The following PDGFB variants were observed in gnomAD, a reference collection of about 807,000 sequenced individuals.
The protein encoded by PDGFB is platelet-derived growth factor subunit B.
A neutral mutation model predicts 29.0 loss-of-function variants in PDGFB; 6 were observed. The ratio of observed to expected loss-of-function variants is 0.21; its 90% confidence interval spans 0.11 to 0.41. The LOEUF (loss-of-function observed/expected upper bound fraction) is 0.41. Among genes scored for constraint, PDGFB ranks in the 10% least tolerant of loss-of-function variants. PDGFB has a pLI of 1.00. For synonymous variants in PDGFB, 144 were observed against 140.8 expected (o/e 1.02, Z -0.16); for missense variants, 299 against 341.8 (o/e 0.87, Z 0.99).
chr22:39,235,742 CG>C, intron 2 of PDGFB, 35 bp downstream of exon 2: 1 of 1,475,346 alleles, frequency 6.8e-7, no homozygotes, highest in Non-Finnish European at 9.5e-7. Context: ...AAAGTCTCCT[CG>C]GAGGGCCGGA....
intron 5 of PDGFB, among the ~76,000 whole-genome samples, chr22:39,229,628 C>T (rs1357889643): frequency 1.3e-5 from 2 of 152,186 alleles, no homozygotes. Flanking sequence ...TCCAACAAAG[C>T]AGGGGGCTAT....
chr22:39,225,926 G>A, intron 5 of PDGFB, 79 bp from the exon 6 acceptor site: 1 of 1,500,276 alleles, frequency 6.7e-7, no homozygotes, highest in Admixed American at 2.0e-5. Context: ...GCCTGCCATG[G>A]ACCTTCTGGG....
Position 39,231,618 on chromosome 22 carries a change from G to T in PDGFB, c.456+4C>A. ...AGCCTCGGGGGGCCGCGGAGCCTAC[G>T]CACCTGGACAGGTCGCAGCTGCACC... On this transcript the variant is annotated splice_donor_region_variant and intron_variant, in intron 4 of 6. Transcript: ENST00000331163. The surrounding 1 kb of genome is among the most constrained non-coding windows in gnomAD (Gnocchi z 4.3). 1.9e-6 allele frequency: 3 copies of T among 1,551,292 alleles called. No homozygotes were observed. Among genetic ancestry groups the T allele is most frequent in the Non-Finnish European group, 2.6e-6 (3 of 1,148,122 alleles).
rs1044404385 is a variant in PDGFB, at chr22:39,227,153, T to A, written c.602-1306A>T. ...TTTGTATTTTTAGTAGAGATGGGGT[T>A]TCACCATGTTGGCCAGGCTGGTCTT... On this transcript the variant is annotated intron_variant, in intron 5 of 6. Coordinates refer to ENST00000331163, the MANE Select transcript of PDGFB (RefSeq NM_002608.4). 2.8e-4 allele frequency among the ~76,000 whole-genome samples: 43 copies of A among 152,140 alleles called. 1 individual carries two copies. Among genetic ancestry groups the A allele is most frequent in the African/African-American group, 9.4e-4 (39 of 41,490 alleles).
intron 1 of PDGFB, chr22:39,241,020 G>T: frequency 1.2e-6 from 1 of 862,198 alleles, no homozygotes; most frequent in Non-Finnish European, 1.9e-6. Flanking sequence ...CACCTCCAGG[G>T]CTCTGGGATT....
chr22:39,243,867 T>C lies in PDGFB; in HGVS notation c.63+34A>G. On this transcript the variant is annotated intron_variant, in intron 1 of 6. Coordinates refer to ENST00000331163, the MANE Select transcript of PDGFB (RefSeq NM_002608.4). The surrounding 1 kb of genome is among the most constrained non-coding windows in gnomAD (Gnocchi z 6.4). ...AGAAGGGGGGGGCGAAGGTAATGAATGAAGAACCAGCCCCAGCCGCCGTGG... is the reference window on the plus strand; with the variant it reads ...AGAAGGGGGGGGCGAAGGTAATGAACGAAGAACCAGCCCCAGCCGCCGTGG... The C allele has an allele frequency of 6.4e-7, 1 of 1,573,140 alleles. No individual in the cohort carries two copies. Among genetic ancestry groups the C allele is most frequent in the Non-Finnish European group, 8.7e-7 (1 of 1,152,846 alleles).
Position 39,240,785 on chromosome 22 carries a change from T to C in PDGFB, c.63+3116A>G, listed in dbSNP as rs1356946950. On this transcript the variant is annotated intron_variant, in intron 1 of 6. Coordinates refer to ENST00000331163, the MANE Select transcript of PDGFB (RefSeq NM_002608.4). ...ATAAACAATGAAATAAACCAGAACATAGGAAGAGTTGTCACAGAAGAGGCT... is the reference window on the plus strand; with the variant it reads ...ATAAACAATGAAATAAACCAGAACACAGGAAGAGTTGTCACAGAAGAGGCT... 8.4e-6 allele frequency: 13 copies of C among 1,543,484 alleles called. No homozygotes were observed. In the East Asian group the frequency reaches 1.8e-4, roughly 21 times the overall value.
Position 39,223,563 on chromosome 22 carries a change from G to A in PDGFB, c.*1779C>T, listed in dbSNP as rs539928330. On this transcript the variant is annotated 3_prime_UTR_variant, in exon 7 of 7. Transcript: ENST00000331163. ...TGTGTGTATGTGCACGCCAGTGTGT[G>A]AGATCACGCCTGAGGCTCCCAGAGT... is the stretch of plus-strand genomic sequence containing the variant. 3.3e-5 allele frequency: 5 copies of A among 152,786 alleles called. No homozygotes were observed. The East Asian group carries it at 9.5e-4, about 29-fold the overall frequency. 9.5% of individuals were successfully genotyped at this position (152,786 alleles called of 1,614,324 possible).
In PDGFB at chr22:39,242,734, G is replaced by C. The variant is rs560957605; in HGVS notation, c.63+1167C>G. On this transcript the variant is annotated intron_variant, in intron 1 of 6. Transcript: ENST00000331163. The surrounding 1 kb of genome is among the most constrained non-coding windows in gnomAD (Gnocchi z 5.7). ...CCTCCGCCTTAACCCCTTCGCCGCC[G>C]CTGCCTCCTTCCTGCGCCTGGCTGG... 2.1e-4 allele frequency among the ~76,000 whole-genome samples: 32 copies of C among 152,162 alleles called. 1 individual carries two copies. The South Asian group carries it at 4.6e-3, about 22-fold the overall frequency.
In PDGFB at chr22:39,231,563, G is replaced by A. The variant is rs1030089824; in HGVS notation, c.456+59C>T. The A allele has an allele frequency of 1.6e-6, 2 of 1,279,292 alleles. No individual in the cohort carries two copies. The highest frequency in any genetic ancestry group is 2.9e-5 in the African/African-American group (2 of 68,030). 79.2% of individuals were successfully genotyped at this position (1,279,292 alleles called of 1,614,324 possible). ...GAAGCCTGGTCAGGTATGAGCCCCA[G>A]AAGGGTGGTCTCCACCCACCACCGG... is the stretch of plus-strand genomic sequence containing the variant. On this transcript the variant is annotated intron_variant, in intron 4 of 6. Transcript: ENST00000331163. The surrounding 1 kb of genome is among the most constrained non-coding windows in gnomAD (Gnocchi z 4.3).
At chr22:39,240,336 A>G (rs982367289) in intron 1 of PDGFB, among the ~76,000 whole-genome samples, 7 of 151,344 alleles carry the variant, frequency 4.6e-5, no homozygotes, top group African/African-American at 1.7e-4. Flanking sequence ...CACTAATCCA[A>G]TCTTCTCTCT....
At chr22:39,228,493 G>C (rs9611120) in intron 5 of PDGFB, among the ~76,000 whole-genome samples, 56,483 of 151,960 alleles carry the variant, frequency 0.37, 11,037 homozygotes, top group Middle Eastern at 0.49. Context: ...GGAGGCTGAG[G>C]AGGGAGGCTC....
At chr22:39,229,597 T>A (rs1181519355) in intron 5 of PDGFB, among the ~76,000 whole-genome samples, 1 of 152,152 alleles carries the variant, frequency 6.6e-6, no homozygotes, top group Non-Finnish European at 1.5e-5. Context: ...CCCAGATTCC[T>A]TCCACCATCC....
intron 3 of PDGFB, 85 bp downstream of exon 3, chr22:39,233,350 C>G: frequency 2.1e-6 from 2 of 945,764 alleles, no homozygotes; most frequent in Non-Finnish European, 3.2e-6. Context: ...ACCCTCGGGG[C>G]CCTCCGACTG....
intron 5 of PDGFB, 40 bp downstream of exon 5, chr22:39,230,044 G>A (rs1246005337): frequency 6.2e-7 from 1 of 1,602,880 alleles, no homozygotes; most frequent in Admixed American, 1.7e-5. Context: ...AGCTGCTGCA[G>A]GGGAAGGGGG....
chr22:39,240,909 T>A, intron 1 of PDGFB: 1 of 1,592,682 alleles, frequency 6.3e-7, no homozygotes, highest in Non-Finnish European at 8.6e-7. Context: ...TCTCTCTCTC[T>A]CTCTCAGATG....
rs566057660 is a variant in PDGFB, at chr22:39,239,644, G to GA, written c.64-3771_64-3770insT. 3.9e-5 allele frequency among the ~76,000 whole-genome samples: 6 copies of GA among 152,338 alleles called. No homozygotes were observed. The South Asian group carries it at 1.2e-3, about 32-fold the overall frequency. On this transcript the variant is annotated intron_variant, in intron 1 of 6. Transcript: ENST00000331163. ...GCTGTCCCAAGATCTCAGGCCCGGG[G>GA]TTTCTGGCAGAGTGAGGGCGTGGCG...
rs566470081 is a variant in PDGFB, at chr22:39,233,220, T to C, written c.250+215A>G. On this transcript the variant is annotated intron_variant, in intron 3 of 6. Transcript: ENST00000331163. ...ACGAATGAGCTTTGCAGCACTATATTTAGAAACCAGAGAGTGTGGGGGCGA... is the reference window on the plus strand; with the variant it reads ...ACGAATGAGCTTTGCAGCACTATATCTAGAAACCAGAGAGTGTGGGGGCGA... Among the ~76,000 whole-genome samples the C allele has an allele frequency of 2.0e-5, 3 of 152,262 alleles. No individual in the cohort carries two copies. The East Asian group carries it at 5.8e-4, about 29-fold the overall frequency.
At position 39,231,871 on chromosome 22, in the gene PDGFB, G is replaced by A. The variant is rs772523555; in HGVS notation, c.251-44C>T. On this transcript the variant is annotated intron_variant, in intron 3 of 6. Coordinates refer to ENST00000331163, the MANE Select transcript of PDGFB (RefSeq NM_002608.4). The surrounding 1 kb of genome is among the most constrained non-coding windows in gnomAD (Gnocchi z 4.3). ...TGGGTCAGGAGCGTAGGCCTGTCCA[G>A]AGTCCCCCCACTTGGCAGGGGAGCT... 3 of 1,554,944 alleles carry A rather than the reference G, an allele frequency of 1.9e-6. No individual in the cohort carries two copies. Among genetic ancestry groups the A allele is most frequent in the African/African-American group, 1.4e-5 (1 of 73,770 alleles).
Sources: gnomAD v4.1 joint callset for allele counts (sites outside exome capture counted in the v4.1 genomes callset) on GRCh38, gnomAD v4.1.1 for gene constraint, Gnocchi (gnomAD v3.1) non-coding constraint, MANE v1.5 for transcripts, NCBI Gene and HGNC (gene_info 2026-07-23, HGNC 2026-07-21) for gene names.